Variants in LRRFIP2 observed in about 807,000 individuals in gnomAD.
The protein encoded by LRRFIP2 is leucine-rich repeat flightless-interacting protein 2.
LRRFIP2 carries 109 observed loss-of-function variants against 125.9 expected under a neutral mutation model. The ratio of observed to expected loss-of-function variants is 0.87; its 90% confidence interval spans 0.74 to 1.01. The LOEUF (loss-of-function observed/expected upper bound fraction) is 1.01, where lower values mean the gene tolerates loss of function less well. Among genes scored for constraint, LRRFIP2 ranks in the 50% least tolerant of loss-of-function variants. The probability of loss-of-function intolerance (pLI) is 0.00; values close to 1 mark genes in which losing one functional copy is unlikely to be tolerated. For missense variants in LRRFIP2, 850 were observed against 862.3 expected (o/e 0.99, Z 0.18); for synonymous variants, 291 against 293.1 (o/e 0.99, Z 0.07).
intron 7 of LRRFIP2, 97 bp from the exon 8 acceptor site, chr3:37,113,077 T>A: frequency 1.5e-6 from 1 of 648,958 alleles, no homozygotes; most frequent in Non-Finnish European, 2.7e-6. Flanking sequence ...AAGGTCTATA[T>A]GAGATACACA....
intron 15 of LRRFIP2, among the ~76,000 whole-genome samples, chr3:37,097,712 G>C (rs2093796585): frequency 6.6e-6 from 1 of 152,076 alleles, no homozygotes; most frequent in Non-Finnish European, 1.5e-5. Flanking sequence ...CAAGAAGGGA[G>C]GTACCTTAAA....
At chr3:37,158,607 A>G (rs1309553512) in intron 1 of LRRFIP2, among the ~76,000 whole-genome samples, 1 of 143,538 alleles carries the variant, frequency 7.0e-6, no homozygotes, top group Non-Finnish European at 1.5e-5. Flanking sequence ...ACTCCTCTCA[A>G]AAAAAAAAAA....
chr3:37,103,082 GGCC>G lies in LRRFIP2; in HGVS notation c.784-72_784-70del, dbSNP rs2094153741. 1.3e-5 allele frequency: 15 copies of G among 1,197,392 alleles called. No homozygotes were observed. The South Asian group carries it at 1.9e-4, about 15-fold the overall frequency. 74.2% of individuals were successfully genotyped at this position (1,197,392 alleles called of 1,614,324 possible). A position where few individuals can be genotyped will look rare whatever the true frequency, so the allele number is the denominator to read the frequency against. On this transcript the variant is annotated intron_variant, in intron 14 of 27. Coordinates refer to ENST00000336686, the MANE Select transcript of LRRFIP2 (RefSeq NM_006309.4). The stretch of plus-strand genomic sequence containing the variant: ...AAAGAAAGAAAAAAATAAGAACATT[GGCC>G]AATTAGGGAAAAGTTTTTTAAAATT...
At chr3:37,172,112 ATGGGATTGAAATAGT>A (rs1440007696) in intron 1 of LRRFIP2, among the ~76,000 whole-genome samples, 1 of 152,208 alleles carries the variant, frequency 6.6e-6, no homozygotes, top group East Asian at 1.9e-4. Context: ...TAAAGCCAAC[ATGGGATTGAAATAGT>A]TTTAACTTTT....
intron 19 of LRRFIP2, among the ~76,000 whole-genome samples, chr3:37,078,719 A>C (rs1224905614): frequency 6.6e-6 from 1 of 152,196 alleles, no homozygotes; most frequent in Non-Finnish European, 1.5e-5. Context: ...TCATACTAAA[A>C]CAGAACTAGG....
intron 6 of LRRFIP2, among the ~76,000 whole-genome samples, chr3:37,115,362 A>G (rs2094732416): frequency 6.6e-6 from 1 of 152,228 alleles, no homozygotes; most frequent in Non-Finnish European, 1.5e-5. Context: ...TAATAGTGAT[A>G]TGATTCAATC....
At chr3:37,058,352 AT>A (rs2087514243) in intron 25 of LRRFIP2, among the ~76,000 whole-genome samples, 1 of 152,128 alleles carries the variant, frequency 6.6e-6, no homozygotes, top group Non-Finnish European at 1.5e-5. Context: ...GGACTAACCA[AT>A]TTTTGCAGCA....
intron 1 of LRRFIP2, among the ~76,000 whole-genome samples, chr3:37,165,857 GAGAA>G (rs1489642015): frequency 5.7e-5 from 7 of 123,868 alleles, no homozygotes; most frequent in South Asian, 2.5e-4. Context: ...AAGAAAGAAA[GAGAA>G]AGAAAGAAAG....
At chr3:37,111,548 G>T (rs1246885771) in intron 8 of LRRFIP2, among the ~76,000 whole-genome samples, 1 of 152,106 alleles carries the variant, frequency 6.6e-6, no homozygotes, top group East Asian at 1.9e-4. Context: ...CTTACGGCAG[G>T]TTCATTTATA....
chr3:37,159,150 T>C (rs1272928175), intron 1 of LRRFIP2, among the ~76,000 whole-genome samples: 1 of 152,236 alleles, frequency 6.6e-6, no homozygotes, highest in Non-Finnish European at 1.5e-5. Context: ...CCATTTTCAG[T>C]TCATTTTCAT....
chr3:37,126,752 G>A (rs2095289160), intron 4 of LRRFIP2, among the ~76,000 whole-genome samples: 1 of 151,778 alleles, frequency 6.6e-6, no homozygotes, highest in African/African-American at 2.4e-5. Context: ...CCAGCTACTT[G>A]AGATGCTGAG....
chr3:37,159,952 G>A lies in LRRFIP2; in HGVS notation c.-55-10914C>T, dbSNP rs187472260. 5.3e-3 allele frequency among the ~76,000 whole-genome samples: 713 copies of A among 134,354 alleles called. 6 individuals carry two copies. Among genetic ancestry groups the A allele is most frequent in the African/African-American group, 0.019 (666 of 35,516 alleles). 88.1% of individuals were successfully genotyped at this position (134,354 alleles called of 152,430 possible). ...CCCAGCTACTTGCAGGGCTGAGGCAGGAGGATTGCTTGAGCCCAATGAGTA... is the reference window on the plus strand; with the variant it reads ...CCCAGCTACTTGCAGGGCTGAGGCAAGAGGATTGCTTGAGCCCAATGAGTA... On this transcript the variant is annotated intron_variant, in intron 1 of 27. Transcript: ENST00000336686.
chr3:37,086,462 A>C (rs984014075), intron 18 of LRRFIP2, among the ~76,000 whole-genome samples: 5 of 152,176 alleles, frequency 3.3e-5, no homozygotes, highest in African/African-American at 1.2e-4. Context: ...ACAGAAAAGT[A>C]TAAACAACCC....
At chr3:37,069,747 A>G (rs183141368) in intron 21 of LRRFIP2, among the ~76,000 whole-genome samples, 4 of 152,348 alleles carry the variant, frequency 2.6e-5, no homozygotes, top group African/African-American at 9.6e-5. Context: ...TTCAAATTAA[A>G]AAAGAGTCAA....
rs899216292 is a variant in LRRFIP2 at position 37,168,740 on chromosome 3, C to T, written c.-56+5799G>A. Among the ~76,000 whole-genome samples, 6 of 152,164 alleles carry T rather than the reference C, an allele frequency of 3.9e-5. No homozygotes were observed. The South Asian group carries it at 1.0e-3, about 26-fold the overall frequency. On this transcript the variant is annotated intron_variant, in intron 1 of 27. Transcript: ENST00000336686. ...AATGGATTACACATATTACAGTGGT[C>T]CCATAAGATTATAATGGAGCTGTCC...
At chr3:37,147,152 A>G (rs2095875474) in intron 2 of LRRFIP2, among the ~76,000 whole-genome samples, 1 of 152,222 alleles carries the variant, frequency 6.6e-6, no homozygotes, top group East Asian at 1.9e-4. Flanking sequence ...CAAAACCACA[A>G]TGAGAAACCA....
At chr3:37,096,707 G>C (rs1203973225) in intron 15 of LRRFIP2, 47 bp from the exon 16 acceptor site, 3 of 1,163,872 alleles carry the variant, frequency 2.6e-6, no homozygotes, top group Non-Finnish European at 3.7e-6. Flanking sequence ...TTAGCAAGTT[G>C]ACTTTTTTTG....
chr3:37,135,400 G>A (rs2095533619), intron 2 of LRRFIP2, among the ~76,000 whole-genome samples: 1 of 151,270 alleles, frequency 6.6e-6, no homozygotes, highest in African/African-American at 2.4e-5. Flanking sequence ...GGAGGCTGCA[G>A]TGAGCCGAGA....
At chr3:37,116,072 T>A (rs758700684) in intron 6 of LRRFIP2, among the ~76,000 whole-genome samples, 6 of 152,176 alleles carry the variant, frequency 3.9e-5, no homozygotes, top group Non-Finnish European at 5.9e-5. Context: ...AAAGTAACGT[T>A]TTCATAAGGA....
Sources: allele counts gnomAD v4.1 joint callset (sites outside exome capture counted in the v4.1 genomes callset), GRCh38; gene constraint gnomAD v4.1.1; transcripts MANE v1.5; gene names NCBI Gene and HGNC (gene_info 2026-07-23, HGNC 2026-07-21).